HMCN1: variants seen among roughly 807,000 people sequenced by gnomAD.
The protein encoded by HMCN1 is hemicentin-1.
Under a neutral mutation model 625.9 loss-of-function variants are expected in HMCN1, and 321 were observed. The observed-to-expected ratio is 0.51, with a 90% CI of 0.47 to 0.56. The LOEUF (loss-of-function observed/expected upper bound fraction) is 0.56. Ranked by LOEUF, HMCN1 falls within the 20% of genes least tolerant of loss-of-function variation. The pLI, the probability that HMCN1 is intolerant of heterozygous loss-of-function variation, is 0.00. For missense variants in HMCN1, 6,588 were observed against 6,887.3 expected, an observed-to-expected ratio of 0.96 and a Z score of 1.54; for synonymous variants, 2,425 against 2,417.6, an observed-to-expected ratio of 1.00 and a Z score of -0.09.
chr1:185,984,309 G>T lies in HMCN1; in HGVS notation c.2931G>T (p.Val977=), dbSNP rs1208846347. The T allele has an allele frequency of 6.2e-7, 1 of 1,613,906 alleles. No individual in the cohort carries two copies. The highest frequency in any genetic ancestry group is 1.1e-5 in the South Asian group (1 of 91,072). The change falls in exon 19 of 107, where the codon GTG becomes GTT. Residue 977 remains valine (V), a synonymous_variant. Coordinates refer to ENST00000271588, the MANE Select transcript of HMCN1 (RefSeq NM_031935.3). ...ATAACAAAACTACCTCTGTGGTTGT[G>T]CATGGTAAGAGACACACCCAATGTT... is the stretch of plus-strand genomic sequence containing the variant. ...GTNNKTTSVV[V]HVLPTIQHGQ... is the part of the protein sequence containing the mutation.
intron 9 of HMCN1, among the ~76,000 whole-genome samples, chr1:185,925,918 G>T (rs1356134018): frequency 2.6e-5 from 4 of 152,188 alleles, no homozygotes; most frequent in Non-Finnish European, 5.9e-5. Flanking sequence ...AGCAGAGAAG[G>T]TCAGAGAGGC....
intron 16 of HMCN1, among the ~76,000 whole-genome samples, chr1:185,980,619 T>C (rs1651555264): frequency 6.6e-6 from 1 of 151,346 alleles, no homozygotes; most frequent in Admixed American, 6.6e-5. Context: ...CCACCATTGA[T>C]GGTGCAGCTT....
At chr1:186,111,271 G>A (rs1388107601) in intron 71 of HMCN1, among the ~76,000 whole-genome samples, 7 of 151,878 alleles carry the variant, frequency 4.6e-5, no homozygotes, top group South Asian at 2.1e-4. Context: ...GTGAGCCACC[G>A]CGCCCGGCCA....
At chr1:185,905,263 T>C (rs1452766897) in intron 4 of HMCN1, among the ~76,000 whole-genome samples, 2 of 151,724 alleles carry the variant, frequency 1.3e-5, no homozygotes, top group Non-Finnish European at 3.0e-5. Context: ...TTTTCTTTCT[T>C]CTTTTATCTC....
chr1:185,857,124 C>T (rs1662516283), intron 2 of HMCN1, among the ~76,000 whole-genome samples: 1 of 152,152 alleles, frequency 6.6e-6, no homozygotes. Context: ...ATTTTGTAAA[C>T]ATAATTATCA....
chr1:186,100,028 G>C (rs1448345726), intron 68 of HMCN1, among the ~76,000 whole-genome samples: 2 of 152,036 alleles, frequency 1.3e-5, no homozygotes, highest in South Asian at 2.1e-4. Flanking sequence ...CATACAGCCT[G>C]TAAATGCAGG....
intron 34 of HMCN1, among the ~76,000 whole-genome samples, chr1:186,019,177 A>G (rs1184689761): frequency 6.6e-6 from 1 of 152,056 alleles, no homozygotes; most frequent in African/African-American, 2.4e-5. Flanking sequence ...AGAGTCATGC[A>G]GTATAAATAT....
intron 1 of HMCN1, among the ~76,000 whole-genome samples, chr1:185,788,175 T>C (rs1359625595): frequency 1.3e-5 from 2 of 152,236 alleles, no homozygotes; most frequent in Non-Finnish European, 2.9e-5. Context: ...CTTCAAGGAT[T>C]ATTTGAAAGT....
At chr1:185,907,112 G>A (rs1016183283) in intron 4 of HMCN1, among the ~76,000 whole-genome samples, 2 of 151,704 alleles carry the variant, frequency 1.3e-5, no homozygotes, top group African/African-American at 2.4e-5. Flanking sequence ...TTGATAAGCC[G>A]AGTGATCCAT....
intron 29 of HMCN1, among the ~76,000 whole-genome samples, chr1:186,005,160 ATTTT>A (rs1226272781): frequency 1.3e-5 from 2 of 148,250 alleles, no homozygotes; most frequent in Admixed American, 1.3e-4. Flanking sequence ...TTTATAAACA[ATTTT>A]TTAATTGTTT....
chr1:185,909,335 A>T lies in HMCN1; in HGVS notation c.622-2A>T, dbSNP rs768368558. On this transcript the variant is annotated splice_acceptor_variant, in intron 4 of 106. Coordinates refer to ENST00000271588, the MANE Select transcript of HMCN1 (RefSeq NM_031935.3). LOFTEE classifies it high-confidence loss of function. ...ACTTACACTTCTCTTTCTCTCTTAT[A>T]GGTATTAAAATGGGTAGAAGAAGCA... 6.2e-7 allele frequency: 1 copy of T among 1,606,220 alleles called. No individual in the cohort carries two copies.
chr1:185,998,939 G>A (rs997831167), intron 25 of HMCN1, among the ~76,000 whole-genome samples: 3 of 152,020 alleles, frequency 2.0e-5, no homozygotes, highest in Non-Finnish European at 4.4e-5. Flanking sequence ...TTGACAACAT[G>A]GACAGGCAAC....
intron 52 of HMCN1, among the ~76,000 whole-genome samples, chr1:186,073,655 A>G (rs902569209): frequency 2.0e-5 from 3 of 152,064 alleles, no homozygotes; most frequent in Non-Finnish European, 4.4e-5. Flanking sequence ...AGGAGGCAAA[A>G]GAGTTGAGAG....
At chr1:186,169,595 A>G (rs951173698) in intron 100 of HMCN1, among the ~76,000 whole-genome samples, 2 of 152,204 alleles carry the variant, frequency 1.3e-5, no homozygotes, top group South Asian at 4.1e-4. Flanking sequence ...AGGATTCCCT[A>G]TCTAATAAAT....
chr1:186,004,799 G>T (rs1021516385), intron 29 of HMCN1, among the ~76,000 whole-genome samples: 1 of 152,086 alleles, frequency 6.6e-6, no homozygotes, highest in African/African-American at 2.4e-5. Flanking sequence ...CCACAGAGAG[G>T]CTTGTACATT....
At position 186,063,941 on chromosome 1, in the gene HMCN1, A is replaced by G. The variant is rs570350080; in HGVS notation, c.7514-1297A>G. Among the ~76,000 whole-genome samples the G allele has an allele frequency of 5.3e-5, 8 of 152,330 alleles. No individual in the cohort carries two copies. In the South Asian group the frequency reaches 1.2e-3, roughly 24 times the overall value. ...CTTGCAGTTTTAAAGTAAGAATGAA[A>G]GTAGCCCATAACATTTTATGGAAAG... On this transcript the variant is annotated intron_variant, in intron 48 of 106. Coordinates refer to ENST00000271588, the MANE Select transcript of HMCN1 (RefSeq NM_031935.3).
At chr1:186,061,654 A>C (rs1571799794) in intron 46 of HMCN1, among the ~76,000 whole-genome samples, 197 bp from the exon 47 acceptor site, 1 of 152,168 alleles carries the variant, frequency 6.6e-6, no homozygotes, top group Admixed American at 6.6e-5. Flanking sequence ...TATCTATTGA[A>C]CTAGAAGATT....
intron 1 of HMCN1, among the ~76,000 whole-genome samples, chr1:185,831,945 A>G (rs948638656): frequency 3.9e-5 from 6 of 152,244 alleles, no homozygotes; most frequent in Non-Finnish European, 5.9e-5. Flanking sequence ...GTATAAATTT[A>G]ATGTGACATC....
At chr1:186,035,535 T>G (rs1405777732) in intron 36 of HMCN1, among the ~76,000 whole-genome samples, 1 of 152,120 alleles carries the variant, frequency 6.6e-6, no homozygotes, top group Non-Finnish European at 1.5e-5. Flanking sequence ...TATTTCTTGG[T>G]TTTTATATAT....
Sources: allele counts gnomAD v4.1 joint callset (sites outside exome capture counted in the v4.1 genomes callset), GRCh38; gene constraint gnomAD v4.1.1; transcripts MANE v1.5; gene names NCBI Gene and HGNC (gene_info 2026-07-23, HGNC 2026-07-21).